Variants in EPB41L4A observed in about 807,000 individuals in gnomAD.
EPB41L4A encodes the protein band 4.1-like protein 4A.
A neutral mutation model predicts 108.6 loss-of-function variants in EPB41L4A; 100 were observed. That is an observed-to-expected ratio of 0.92 (90% confidence interval 0.78 to 1.09). EPB41L4A has a LOEUF of 1.09. Among genes scored for constraint, EPB41L4A ranks in the 50% least tolerant of loss-of-function variants. The probability of loss-of-function intolerance (pLI) is 0.00; values close to 1 mark genes in which losing one functional copy is unlikely to be tolerated. For synonymous variants in EPB41L4A, 319 were observed against 289.0 expected, an observed-to-expected ratio of 1.10 and a Z score of -1.05; for missense variants, 1,030 against 842.7, an observed-to-expected ratio of 1.22 and a Z score of -2.75.
intron 15 of EPB41L4A, among the ~76,000 whole-genome samples, chr5:112,200,748 G>A (rs1762179737): frequency 6.6e-6 from 1 of 152,144 alleles, no homozygotes; most frequent in Non-Finnish European, 1.5e-5. Flanking sequence ...ATATGCAGAT[G>A]TTTATATGTA....
At chr5:112,240,948 G>T (rs1017673045) in intron 9 of EPB41L4A, 138 bp from the exon 10 acceptor site, 6 of 543,316 alleles carry the variant, frequency 1.1e-5, no homozygotes, top group African/African-American at 4.1e-5. Context: ...CTGTCTCTTG[G>T]TAACTATTTT....
rs75752511 is a variant in EPB41L4A, at chr5:112,150,413, T to A, written n.995-4415A>T. Among the ~76,000 whole-genome samples, 1,282 of 151,366 alleles carry A rather than the reference T, an allele frequency of 8.5e-3. 17 individuals carry two copies. The highest frequency in any genetic ancestry group is 0.029 in the African/African-American group (1,205 of 41,200). ...ATTTCAAGACATAAAAGAGGGTGCA[T>A]AACAAAAAAGCAAAAGATATCCTAA... On this transcript the variant is annotated intron_variant and non_coding_transcript_variant, in intron 12 of 13. Transcript: ENST00000507810.
chr5:112,316,472 A>T (rs1339611264), intron 1 of EPB41L4A, among the ~76,000 whole-genome samples: 2 of 152,148 alleles, frequency 1.3e-5, no homozygotes, highest in African/African-American at 4.8e-5. Flanking sequence ...TTCAGGTACC[A>T]AAGGTAACTC....
chr5:112,265,630 G>C (rs187030897), intron 5 of EPB41L4A, among the ~76,000 whole-genome samples: 72 of 152,304 alleles, frequency 4.7e-4, no homozygotes, highest in African/African-American at 1.6e-3. Flanking sequence ...TTTTTAGTCT[G>C]CAAGTGCCAC....
At chr5:112,411,160 T>G (rs986974552) in intron 1 of EPB41L4A, among the ~76,000 whole-genome samples, 1 of 151,914 alleles carries the variant, frequency 6.6e-6, no homozygotes, top group Non-Finnish European at 1.5e-5. Context: ...TGGAGGAGGG[T>G]AGTGATGGCT....
intron 2 of EPB41L4A, among the ~76,000 whole-genome samples, chr5:112,287,086 T>G (rs1224712109): frequency 6.6e-6 from 1 of 152,234 alleles, no homozygotes; most frequent in Non-Finnish European, 1.5e-5. Flanking sequence ...AAGGCTGGAC[T>G]GCTTAAGCTC....
chr5:112,253,643 TTATAGTC>T (rs1561513942), intron 9 of EPB41L4A, among the ~76,000 whole-genome samples: 1 of 152,138 alleles, frequency 6.6e-6, no homozygotes, highest in East Asian at 1.9e-4. Flanking sequence ...ACTTACATAT[TTATAGTC>T]TATGACATAC....
At chr5:112,375,078 G>A (rs1418618077) in intron 1 of EPB41L4A, among the ~76,000 whole-genome samples, 32 of 152,156 alleles carry the variant, frequency 2.1e-4, no homozygotes, top group Non-Finnish European at 2.9e-5. Context: ...ATCTCCTAGT[G>A]CAGGAAGAAA....
intron 2 of EPB41L4A, among the ~76,000 whole-genome samples, chr5:112,289,660 G>A (rs1029050802): frequency 6.6e-6 from 1 of 152,248 alleles, no homozygotes; most frequent in African/African-American, 2.4e-5. Flanking sequence ...TCCACAAGTA[G>A]GTGCTCCATC....
intron 1 of EPB41L4A, among the ~76,000 whole-genome samples, chr5:112,403,292 G>T (rs1761890591): frequency 7.7e-6 from 1 of 130,174 alleles, no homozygotes; most frequent in Non-Finnish European, 1.6e-5. Flanking sequence ...GTTGAACAAA[G>T]ATTTTTAGGA....
At chr5:112,255,611 C>T (rs1751029179) in intron 9 of EPB41L4A, among the ~76,000 whole-genome samples, 1 of 152,172 alleles carries the variant, frequency 6.6e-6, no homozygotes, top group African/African-American at 2.4e-5. Context: ...ATTACTGTTC[C>T]TTCTATCTCA....
chr5:112,316,257 A>C (rs1367903470), intron 1 of EPB41L4A, among the ~76,000 whole-genome samples: 3 of 152,256 alleles, frequency 2.0e-5, no homozygotes, highest in Non-Finnish European at 4.4e-5. Flanking sequence ...ATTACATCTG[A>C]GACAAACAGC....
At chr5:112,347,528 C>T (rs749195462) in intron 1 of EPB41L4A, among the ~76,000 whole-genome samples, 2 of 152,246 alleles carry the variant, frequency 1.3e-5, no homozygotes, top group Non-Finnish European at 2.9e-5. Context: ...CATCTCAGAG[C>T]CACAACATGG....
At chr5:112,373,671 G>A (rs1300294156) in intron 1 of EPB41L4A, among the ~76,000 whole-genome samples, 2 of 152,200 alleles carry the variant, frequency 1.3e-5, no homozygotes, top group African/African-American at 4.8e-5. Context: ...AAGTGGCAGA[G>A]CCAGGGTTAG....
intron 2 of EPB41L4A, among the ~76,000 whole-genome samples, chr5:112,296,622 T>C (rs564656509): frequency 3.3e-5 from 5 of 152,276 alleles, no homozygotes; most frequent in Admixed American, 2.6e-4. Flanking sequence ...TTTTTTTCCA[T>C]AGGTTTTTAG....
At chr5:112,327,933 G>A (rs1354388428) in intron 1 of EPB41L4A, among the ~76,000 whole-genome samples, 3 of 152,082 alleles carry the variant, frequency 2.0e-5, no homozygotes, top group Non-Finnish European at 1.5e-5. Context: ...CCTCCACTAT[G>A]AATTCATTTT....
At chr5:112,170,820 C>A in intron 19 of EPB41L4A, 125 bp downstream of exon 19, 1 of 811,998 alleles carries the variant, frequency 1.2e-6, no homozygotes, top group African/African-American at 1.7e-5. Flanking sequence ...GTGCCTGCCA[C>A]ACACAGTGGC....
intron 1 of EPB41L4A, among the ~76,000 whole-genome samples, chr5:112,360,659 A>C (rs997640037): frequency 1.3e-5 from 2 of 152,162 alleles, no homozygotes; most frequent in Non-Finnish European, 2.9e-5. Flanking sequence ...TTGGCCTCCC[A>C]AAGTGCCGAG....
intron 2 of EPB41L4A, among the ~76,000 whole-genome samples, chr5:112,280,964 T>C (rs1752928653): frequency 6.6e-6 from 1 of 152,060 alleles, no homozygotes; most frequent in Non-Finnish European, 1.5e-5. Context: ...AATCAAATCG[T>C]CATTAAGGAT....
Sources: gnomAD v4.1 joint callset for allele counts (sites outside exome capture counted in the v4.1 genomes callset) on GRCh38, gnomAD v4.1.1 for gene constraint, MANE v1.5 for transcripts, NCBI Gene and HGNC (gene_info 2026-07-23, HGNC 2026-07-21) for gene names.